BDH2: variants seen among roughly 807,000 people sequenced by gnomAD.
The protein encoded by BDH2 is 3-hydroxybutyrate dehydrogenase 2.
In BDH2, 24 loss-of-function variants were observed where a neutral mutation model predicts 33.2. That is an observed-to-expected ratio of 0.72 (90% CI 0.52 to 1.02). BDH2 has a LOEUF of 1.02. Ranked by LOEUF, BDH2 falls within the 50% of genes least tolerant of loss-of-function variation. BDH2 has a pLI of 0.00. For synonymous variants in BDH2, 81 were observed against 101.6 expected (o/e 0.80, Z 1.22); for missense variants, 249 against 301.6 (o/e 0.83, Z 1.29).
intron 5 of BDH2, 132 bp from the exon 6 acceptor site, chr4:103,086,672 G>T: frequency 8.7e-7 from 1 of 1,149,672 alleles, no homozygotes; most frequent in Non-Finnish European, 1.2e-6. Context: ...GTCACATTAA[G>T]CACTATTAAG....
In BDH2 at chr4:103,099,178, GC is replaced by G. The variant is rs1385338929; in HGVS notation, c.-21+604del. ...GATATTGGGTGTATGGCCCTGTAAAGCCTCCAGTCAAAGGTTTTGCTAGGAA... is the reference window on the plus strand; with the variant it reads ...GATATTGGGTGTATGGCCCTGTAAAGCTCCAGTCAAAGGTTTTGCTAGGAA... On this transcript the variant is annotated intron_variant, in intron 1 of 9. Coordinates refer to ENST00000296424, the MANE Select transcript of BDH2 (RefSeq NM_020139.4). 3.3e-5 allele frequency: 5 copies of G among 152,194 alleles called. No homozygotes were observed. The East Asian group carries it at 9.7e-4, about 29-fold the overall frequency. The allele number at this position is 152,194 out of a possible 1,614,324, so 9.4% of individuals were successfully genotyped here.
chr4:103,081,008 CAA>C (rs1367746917), intron 9 of BDH2, among the ~76,000 whole-genome samples: 2 of 152,172 alleles, frequency 1.3e-5, no homozygotes, highest in Admixed American at 1.3e-4. Context: ...TGGTGTGCAC[CAA>C]GTTACTGGGA....
rs574407105 is a variant in BDH2, at chr4:103,087,294, T to G, written c.358-754A>C. ...CAAGGGCTGAATTTAGAACCTGGGT[T>G]TTACCCTGAAGGTGATGCAGTGACA... On this transcript the variant is annotated intron_variant, in intron 5 of 9. Coordinates refer to ENST00000296424, the MANE Select transcript of BDH2 (RefSeq NM_020139.4). Among the ~76,000 whole-genome samples the G allele has an allele frequency of 2.0e-5, 3 of 152,178 alleles. No individual in the cohort carries two copies. In the South Asian group the frequency reaches 6.2e-4, roughly 32 times the overall value.
intron 9 of BDH2, among the ~76,000 whole-genome samples, chr4:103,080,559 A>G (rs996241982): frequency 5.9e-5 from 9 of 152,252 alleles, no homozygotes; most frequent in Non-Finnish European, 2.9e-5. Flanking sequence ...TTAAGAGTTC[A>G]ATAGATAAAA....
intron 9 of BDH2, among the ~76,000 whole-genome samples, chr4:103,081,873 T>C (rs1356572731): frequency 3.9e-5 from 6 of 152,232 alleles, no homozygotes; most frequent in Non-Finnish European, 8.8e-5. Flanking sequence ...TACAAGATTT[T>C]ATGTAAAGCT....
chr4:103,091,786 G>C (rs1748110545), intron 4 of BDH2: 1 of 454,424 alleles, frequency 2.2e-6, no homozygotes, highest in Non-Finnish European at 4.4e-6. Flanking sequence ...TGCCCTATTT[G>C]CCTATGTGAT....
intron 6 of BDH2, 28 bp downstream of exon 6, chr4:103,086,452 C>A (rs201325943): frequency 6.2e-7 from 1 of 1,608,532 alleles, no homozygotes; most frequent in African/African-American, 1.3e-5. Context: ...GTATGAGCAT[C>A]GCAGTCCTCG....
At chr4:103,091,517 C>T (rs920479471) in intron 4 of BDH2, 12 of 431,328 alleles carry the variant, frequency 2.8e-5, no homozygotes, top group African/African-American at 2.4e-4. Flanking sequence ...AAAGTATGGT[C>T]ACCGAACATA....
At chr4:103,088,720 T>A (rs1432650804) in intron 5 of BDH2, among the ~76,000 whole-genome samples, 1 of 152,182 alleles carries the variant, frequency 6.6e-6, no homozygotes, top group Admixed American at 6.5e-5. Flanking sequence ...TAGTTAGTCT[T>A]ACTCTGACCC....
intron 1 of BDH2, among the ~76,000 whole-genome samples, chr4:103,096,601 A>G (rs1344072918): frequency 2.2e-5 from 3 of 136,408 alleles, no homozygotes; most frequent in Non-Finnish European, 4.6e-5. Context: ...AGTGTAATGG[A>G]GTGATCTCGG....
chr4:103,089,796 T>C (rs992117591), intron 5 of BDH2, among the ~76,000 whole-genome samples: 5 of 152,168 alleles, frequency 3.3e-5, no homozygotes, highest in African/African-American at 1.2e-4. Context: ...CCAAATACTA[T>C]AGTTTCTCAT....
At chr4:103,095,772 T>C (rs1355484703) in intron 2 of BDH2, among the ~76,000 whole-genome samples, 1 of 152,198 alleles carries the variant, frequency 6.6e-6, no homozygotes, top group Admixed American at 6.5e-5. Context: ...TTAAGTGGGG[T>C]ACATAATGTA....
At chr4:103,099,706 A>G (rs921587359) in intron 1 of BDH2, 77 bp downstream of exon 1, 1 of 152,224 alleles carries the variant, frequency 6.6e-6, no homozygotes. Flanking sequence ...AACGTGCAGA[A>G]AAAAACAACA....
At chr4:103,086,331 A>G in intron 6 of BDH2, 149 bp downstream of exon 6, 1 of 1,352,314 alleles carries the variant, frequency 7.4e-7, no homozygotes, top group Non-Finnish European at 9.5e-7. Flanking sequence ...ATCTGTGGTT[A>G]AGGAACTTAA....
Position 103,085,650 on chromosome 4 carries a change from T to C in BDH2, c.419-188A>G, listed in dbSNP as rs553524472. ...AGTTTCTGGATCTAGGGAAATAATA[T>C]CAGTATAGGCACAACTTAATTGAGA... On this transcript the variant is annotated intron_variant, in intron 6 of 9. Transcript: ENST00000296424. 17 of 1,500,178 alleles carry C rather than the reference T, an allele frequency of 1.1e-5. No individual in the cohort carries two copies. In the East Asian group the frequency reaches 3.9e-4, roughly 34 times the overall value. The allele number at this position is 1,500,178 out of a possible 1,614,324, so 92.9% of individuals were successfully genotyped here.
chr4:103,089,571 A>T (rs1449259506), intron 5 of BDH2, among the ~76,000 whole-genome samples: 2 of 152,202 alleles, frequency 1.3e-5, no homozygotes, highest in African/African-American at 4.8e-5. Context: ...ATATTTTAAA[A>T]ATTAACACAA....
At chr4:103,080,831 G>A (rs1297640071) in intron 9 of BDH2, among the ~76,000 whole-genome samples, 1 of 152,184 alleles carries the variant, frequency 6.6e-6, no homozygotes, top group East Asian at 1.9e-4. Context: ...CTGAAGATAC[G>A]GATTCAGAGA....
At chr4:103,095,384 G>A in intron 2 of BDH2, 103 bp from the exon 3 acceptor site, 2 of 848,668 alleles carry the variant, frequency 2.4e-6, no homozygotes, top group South Asian at 3.1e-5. Flanking sequence ...TATTTTCATT[G>A]TTCTTTTCCC....
intron 6 of BDH2, 170 bp downstream of exon 6, chr4:103,086,310 G>A: frequency 5.3e-6 from 7 of 1,318,974 alleles, no homozygotes; most frequent in East Asian, 2.8e-5. Flanking sequence ...GGCTCACATC[G>A]AGAGCAAAAG....
Sources: gnomAD v4.1 joint callset for allele counts (sites outside exome capture counted in the v4.1 genomes callset) on GRCh38, gnomAD v4.1.1 for gene constraint, MANE v1.5 for transcripts, NCBI Gene and HGNC (gene_info 2026-07-23, HGNC 2026-07-21) for gene names.